Variants in LRRC8C observed in about 807,000 individuals in gnomAD.
LRRC8C encodes the protein volume-regulated anion channel subunit LRRC8C.
A neutral mutation model predicts 55.3 loss-of-function variants in LRRC8C; 20 were observed. That is an observed-to-expected ratio of 0.36 (90% CI 0.25 to 0.53). LRRC8C has a LOEUF of 0.53. LRRC8C is among the 20% of genes least tolerant of loss of function. The pLI, the probability that LRRC8C is intolerant of heterozygous loss-of-function variation, is 0.92. For synonymous variants in LRRC8C, 376 were observed against 360.7 expected (o/e 1.04, Z -0.48); for missense variants, 659 against 951.4 (o/e 0.69, Z 4.04).
chr1:89,686,447 A>G lies in LRRC8C; in HGVS notation c.-4-23A>G, dbSNP rs912214743. On this transcript the variant is annotated intron_variant, in intron 1 of 2. Coordinates refer to ENST00000370454, the MANE Select transcript of LRRC8C (RefSeq NM_032270.5). ...GTTGTACTGGAAGATAAATTGATTT[A>G]CAAGTAATCTCTCCTTTCTCAGAAA... 3 of 1,613,104 alleles carry G rather than the reference A, an allele frequency of 1.9e-6. No individual in the cohort carries two copies. The African/African-American group carries it at 4.0e-5, about 22-fold the overall frequency.
At chr1:89,616,391 C>T in the LRRC8C span, among the ~76,000 whole-genome samples, 1 of 152,214 alleles carries the variant, frequency 6.6e-6, no homozygotes, top group Non-Finnish European at 1.5e-5. Context: ...CTGTAAAACA[C>T]AGCCAAGTGT....
At chr1:89,635,265 T>C (rs1656247332) in intron 1 of LRRC8C, among the ~76,000 whole-genome samples, 1 of 152,246 alleles carries the variant, frequency 6.6e-6, no homozygotes, top group Admixed American at 6.5e-5. Flanking sequence ...TATAGTATTA[T>C]TAAGTTATAG....
At chr1:89,647,891 A>G (rs752104863) in intron 1 of LRRC8C, among the ~76,000 whole-genome samples, 12 of 152,062 alleles carry the variant, frequency 7.9e-5, no homozygotes, top group Non-Finnish European at 1.6e-4. Flanking sequence ...GGTGAGAGCC[A>G]TCTCTACAAA....
intron 2 of LRRC8C, among the ~76,000 whole-genome samples, chr1:89,698,448 T>C (rs930239657): frequency 6.6e-6 from 1 of 152,194 alleles, no homozygotes; most frequent in Admixed American, 6.5e-5. Context: ...TATACTGTTA[T>C]TTGTTCTGTA....
At chr1:89,658,731 T>C (rs1409227451) in intron 1 of LRRC8C, among the ~76,000 whole-genome samples, 1 of 152,216 alleles carries the variant, frequency 6.6e-6, no homozygotes, top group East Asian at 1.9e-4. Flanking sequence ...CTTGAAAATA[T>C]GTATGTACCA....
At chr1:89,644,432 T>TCAC (rs1656555338) in intron 1 of LRRC8C, among the ~76,000 whole-genome samples, 7 of 152,206 alleles carry the variant, frequency 4.6e-5, no homozygotes, top group Non-Finnish European at 1.0e-4. Context: ...ATTACAGGCG[T>TCAC]GAGCCACAGT....
chr1:89,628,833 T>G (rs1449432449), upstream of LRRC8C, among the ~76,000 whole-genome samples: 1 of 152,174 alleles, frequency 6.6e-6, no homozygotes. Flanking sequence ...AGGCTGGTTT[T>G]GGGGAAAAGG....
At chr1:89,667,684 A>G (rs1657309828) in intron 1 of LRRC8C, among the ~76,000 whole-genome samples, 1 of 152,136 alleles carries the variant, frequency 6.6e-6, no homozygotes, top group Non-Finnish European at 1.5e-5. Context: ...GGGAAATCAC[A>G]TCCTAAGCCA....
intron 2 of LRRC8C, among the ~76,000 whole-genome samples, chr1:89,709,513 C>T (rs1193728197): frequency 6.6e-6 from 1 of 152,198 alleles, no homozygotes; most frequent in East Asian, 1.9e-4. Flanking sequence ...TGGTACAGTG[C>T]ATAACCTAAA....
Position 89,683,604 on chromosome 1 carries a change from C to T in LRRC8C, c.-4-2866C>T, listed in dbSNP as rs567819138. 1.1e-4 allele frequency among the ~76,000 whole-genome samples: 17 copies of T among 152,216 alleles called. No individual in the cohort carries two copies. The South Asian group carries it at 3.5e-3, about 32-fold the overall frequency. ...ATCTCCTGACCTCATGATCCACCAA[C>T]CTTGGCCTCTCAAAGTGCTGGGATT... is the stretch of plus-strand genomic sequence containing the variant. On this transcript the variant is annotated intron_variant, in intron 1 of 2. Coordinates refer to ENST00000370454, the MANE Select transcript of LRRC8C (RefSeq NM_032270.5).
At chr1:89,669,803 G>A (rs1657367557) in intron 1 of LRRC8C, among the ~76,000 whole-genome samples, 1 of 152,076 alleles carries the variant, frequency 6.6e-6, no homozygotes, top group Non-Finnish European at 1.5e-5. Context: ...ATGATTGTCT[G>A]CCCTTGAGAG....
chr1:89,644,199 A>G (rs183635622), intron 1 of LRRC8C, among the ~76,000 whole-genome samples: 2 of 152,326 alleles, frequency 1.3e-5, no homozygotes, highest in East Asian at 3.9e-4. Context: ...AGTTGAGACA[A>G]GGTCTCGCTC....
In LRRC8C at chr1:89,714,894, G is replaced by A. The variant is rs202168906; in HGVS notation, c.2324G>A (p.Arg775Gln). Residue 775 changes from arginine to glutamine, a missense_variant, in exon 3 of 3, where the codon CGG (arginine) becomes CAG (glutamine). Physicochemically the swap from Arg to Gln is conservative, Grantham distance 43. Transcript: ENST00000370454. The surrounding 1 kb of genome is among the most constrained non-coding windows in gnomAD (Gnocchi z 4.6). ...CTCCCTCCTGAACTGGGTGACTGTC[G>A]GGCTCTGAAGCGAGCTGGTTTAGTT... Reference protein sequence around the residue: ...EILPPELGDCRALKRAGLVVE... With the variant: ...EILPPELGDCQALKRAGLVVE... The A allele has an allele frequency of 1.6e-4, 259 of 1,613,998 alleles. 2 individuals are homozygous for A. The highest frequency in any genetic ancestry group is 8.9e-4 in the East Asian group (40 of 44,868).
chr1:89,654,765 CCTCT>C (rs1408875120), intron 1 of LRRC8C, among the ~76,000 whole-genome samples: 2 of 151,930 alleles, frequency 1.3e-5, no homozygotes, highest in East Asian at 3.9e-4. Context: ...ACCCTTTTAC[CCTCT>C]CTATTTGCTG....
chr1:89,645,745 T>C (rs1656593244), intron 1 of LRRC8C, among the ~76,000 whole-genome samples: 1 of 152,030 alleles, frequency 6.6e-6, no homozygotes, highest in South Asian at 2.1e-4. Context: ...CCCAATAGAA[T>C]TAAATTAGAA....
intron 1 of LRRC8C, among the ~76,000 whole-genome samples, chr1:89,633,698 C>G (rs1336677550): frequency 1.3e-5 from 2 of 152,142 alleles, no homozygotes; most frequent in South Asian, 4.1e-4. Flanking sequence ...TTTCCTACCT[C>G]GAAAATCTCT....
At chr1:89,680,765 TG>T (rs2101264882) in intron 1 of LRRC8C, among the ~76,000 whole-genome samples, 1 of 151,776 alleles carries the variant, frequency 6.6e-6, no homozygotes, top group Admixed American at 6.6e-5. Flanking sequence ...TTTACCATGT[TG>T]GCCAGGCTGG....
intron 1 of LRRC8C, among the ~76,000 whole-genome samples, chr1:89,648,930 A>G (rs1181090165): frequency 6.6e-6 from 1 of 152,208 alleles, no homozygotes; most frequent in African/African-American, 2.4e-5. Flanking sequence ...TCTTTGTCAA[A>G]TAATATTTCA....
chr1:89,646,080 G>T (rs1196314281), intron 1 of LRRC8C, among the ~76,000 whole-genome samples: 1 of 151,896 alleles, frequency 6.6e-6, no homozygotes, highest in Non-Finnish European at 1.5e-5. Flanking sequence ...ATTCCCAAAA[G>T]CATAGAAAGA....
Sources: gnomAD v4.1 joint callset for allele counts (sites outside exome capture counted in the v4.1 genomes callset) on GRCh38, gnomAD v4.1.1 for gene constraint, Gnocchi (gnomAD v3.1) non-coding constraint, MANE v1.5 for transcripts, NCBI Gene and HGNC (gene_info 2026-07-23, HGNC 2026-07-21) for gene names.